The following GLDC variants were observed in gnomAD, a reference collection of about 807,000 sequenced individuals.
The protein encoded by GLDC is glycine dehydrogenase (decarboxylating), mitochondrial.
A neutral mutation model predicts 121.3 loss-of-function variants in GLDC; 104 were observed. The ratio of observed to expected loss-of-function variants is 0.86; its 90% CI spans 0.73 to 1.01. The LOEUF is 1.01. Among genes scored for constraint, GLDC ranks in the 50% least tolerant of loss-of-function variants. The probability of loss-of-function intolerance (pLI) is 0.00; values close to 1 mark genes in which losing one functional copy is unlikely to be tolerated. For synonymous variants in GLDC, 546 were observed against 480.6 expected, an observed-to-expected ratio of 1.14 and a Z score of -1.78; for missense variants, 1,429 against 1,306.6, an observed-to-expected ratio of 1.09 and a Z score of -1.44.
intron 15 of GLDC, among the ~76,000 whole-genome samples, chr9:6,583,522 T>A (rs1172009615): frequency 3.3e-5 from 5 of 151,910 alleles, no homozygotes; most frequent in Non-Finnish European, 5.9e-5. Flanking sequence ...CAAAAACTTT[T>A]AAAAATCGCC....
At chr9:6,644,768 C>T in intron 1 of GLDC, 76 bp from the exon 2 acceptor site, 1 of 982,770 alleles carries the variant, frequency 1.0e-6, no homozygotes, top group Non-Finnish European at 1.6e-6. Context: ...GACTACAAAG[C>T]CTTGTGGGAA....
intron 17 of GLDC, 96 bp from the exon 18 acceptor site, chr9:6,556,398 G>A: frequency 9.7e-7 from 1 of 1,032,914 alleles, no homozygotes; most frequent in East Asian, 2.4e-5. Context: ...GAAGAAAGAT[G>A]AAGTCTCAGT....
chr9:6,534,927 A>G, intron 23 of GLDC, 139 bp from the exon 24 acceptor site: 1 of 680,480 alleles, frequency 1.5e-6, no homozygotes. Flanking sequence ...GGGGGGTACA[A>G]TGTGATTTAT....
chr9:6,629,982 G>A (rs1180476525), intron 2 of GLDC, among the ~76,000 whole-genome samples: 1 of 62,296 alleles, frequency 1.6e-5, no homozygotes, highest in Non-Finnish European at 2.8e-5. Flanking sequence ...GAGAGACAAG[G>A]TCTCACTATG....
intron 2 of GLDC, among the ~76,000 whole-genome samples, chr9:6,627,456 G>A (rs1563868927): frequency 6.6e-6 from 1 of 152,092 alleles, no homozygotes; most frequent in Non-Finnish European, 1.5e-5. Context: ...AACTTCTCAA[G>A]CACCTGTGGA....
chr9:6,586,986 G>C (rs1332313251), intron 15 of GLDC, among the ~76,000 whole-genome samples, 155 bp downstream of exon 15: 1 of 152,160 alleles, frequency 6.6e-6, no homozygotes, highest in African/African-American at 2.4e-5. Context: ...GGGAGAACAC[G>C]ATGCACCTTC....
At chr9:6,547,856 G>A (rs1817429611) in intron 21 of GLDC, among the ~76,000 whole-genome samples, 1 of 152,192 alleles carries the variant, frequency 6.6e-6, no homozygotes, top group African/African-American at 2.4e-5. Flanking sequence ...TAGGCCAGGT[G>A]CAGTGGCTCA....
intron 21 of GLDC, among the ~76,000 whole-genome samples, chr9:6,546,200 C>CT (rs917473865): frequency 4.1e-4 from 61 of 147,144 alleles, no homozygotes; most frequent in Non-Finnish European, 5.4e-4. Context: ...ACCTCCTCAT[C>CT]TTTTTTTTTT....
chr9:6,574,985 A>C (rs1330744525), intron 15 of GLDC, among the ~76,000 whole-genome samples: 1 of 152,076 alleles, frequency 6.6e-6, no homozygotes, highest in Non-Finnish European at 1.5e-5. Flanking sequence ...CTCCAGGCCA[A>C]ATTGCTCTCC....
rs190765314 is a variant in GLDC at position 6,591,458 on chromosome 9, G to T, written c.1482+685C>A. Among the ~76,000 whole-genome samples, 6 of 152,242 alleles carry T rather than the reference G, an allele frequency of 3.9e-5. No homozygotes were observed. The East Asian group carries it at 1.2e-3, about 29-fold the overall frequency. On this transcript the variant is annotated intron_variant, in intron 11 of 24. Transcript: ENST00000321612. ...TCTAATTCACCACTGTGTCTTCAGG[G>T]CCTAGCATAGCACCTGACACATATT...
chr9:6,588,269 G>C lies in GLDC; in HGVS notation c.1707+132C>G. Reference sequence around the variant, plus strand: ...TACTCCCAAGATTGGTGAATAGCAAGGTAAAGAATTATTAAAATAGTTCTT... The same window carrying C: ...TACTCCCAAGATTGGTGAATAGCAACGTAAAGAATTATTAAAATAGTTCTT... On this transcript the variant is annotated intron_variant, in intron 14 of 24. Coordinates refer to ENST00000321612, the MANE Select transcript of GLDC (RefSeq NM_000170.3). 2.6e-6 allele frequency: 2 copies of C among 779,860 alleles called. 1 individual carries two copies. The allele number at this position is 779,860 out of a possible 1,614,324, so 48.3% of individuals were successfully genotyped here.
intron 1 of GLDC, among the ~76,000 whole-genome samples, chr9:6,645,043 G>C (rs1377708396): frequency 2.0e-5 from 3 of 152,218 alleles, no homozygotes; most frequent in Admixed American, 1.3e-4. Context: ...CGAAGACTGG[G>C]TGCAGGAGAA....
intron 22 of GLDC, among the ~76,000 whole-genome samples, chr9:6,537,713 G>C (rs926449934): frequency 6.6e-6 from 1 of 152,068 alleles, no homozygotes; most frequent in African/African-American, 2.4e-5. Flanking sequence ...TCCAGGAGGT[G>C]AGCCTGCAGT....
chr9:6,590,609 A>G (rs1389480557), intron 11 of GLDC, among the ~76,000 whole-genome samples: 1 of 152,220 alleles, frequency 6.6e-6, no homozygotes, highest in Non-Finnish European at 1.5e-5. Context: ...AACCCTCACC[A>G]GAAGCAAACG....
Position 6,624,133 on chromosome 9 carries a change from G to A in GLDC, c.335-3814C>T, listed in dbSNP as rs1416993024. Among the ~76,000 whole-genome samples, 8 of 152,222 alleles carry A rather than the reference G, an allele frequency of 5.3e-5. No individual in the cohort carries two copies. The East Asian group carries it at 1.5e-3, about 29-fold the overall frequency. On this transcript the variant is annotated intron_variant, in intron 2 of 24. Transcript: ENST00000321612. ...GAAAGGTCACTGAGGGGAGACCCCG[G>A]CCCAGGGAGATACAGTAAGAGGCCA...
chr9:6,564,775 G>A lies in GLDC; in HGVS notation c.1926+579C>T, dbSNP rs568184316. Among the ~76,000 whole-genome samples, 26 of 152,308 alleles carry A rather than the reference G, an allele frequency of 1.7e-4. No individual in the cohort carries two copies. The East Asian group carries it at 4.6e-3, about 27-fold the overall frequency. The stretch of plus-strand genomic sequence containing the variant: ...ATTAGTACCTGCTGGTCCCCACAGT[G>A]GTCCCCAAGAGGCGATTGGGATCCT... On this transcript the variant is annotated intron_variant, in intron 16 of 24. Coordinates refer to ENST00000321612, the MANE Select transcript of GLDC (RefSeq NM_000170.3).
chr9:6,572,271 C>T (rs1156403339), intron 15 of GLDC, among the ~76,000 whole-genome samples: 1 of 152,108 alleles, frequency 6.6e-6, no homozygotes, highest in Non-Finnish European at 1.5e-5. Context: ...CTACCATAGC[C>T]AACGAGCAGT....
At chr9:6,554,086 A>C (rs1817568634) in intron 19 of GLDC, among the ~76,000 whole-genome samples, 1 of 152,270 alleles carries the variant, frequency 6.6e-6, no homozygotes, top group Non-Finnish European at 1.5e-5. Flanking sequence ...AGACTGAAGC[A>C]GCTCAGGAAA....
At chr9:6,562,223 C>T (rs10975644) in intron 16 of GLDC, among the ~76,000 whole-genome samples, 1 of 152,246 alleles carries the variant, frequency 6.6e-6, no homozygotes, top group East Asian at 1.9e-4. Flanking sequence ...AATTTGTATT[C>T]TCCCAAAGTA....
Sources: gnomAD v4.1 joint callset for allele counts (sites outside exome capture counted in the v4.1 genomes callset) on GRCh38, gnomAD v4.1.1 for gene constraint, MANE v1.5 for transcripts, NCBI Gene and HGNC (gene_info 2026-07-23, HGNC 2026-07-21) for gene names.